The following MTM1 variants were observed in gnomAD, a reference collection of about 807,000 sequenced individuals.
MTM1 encodes myotubularin 1.
In MTM1, 9 loss-of-function variants were observed where a neutral mutation model predicts 52.1. The ratio of observed to expected loss-of-function variants is 0.17; its 90% CI spans 0.10 to 0.30. The LOEUF (loss-of-function observed/expected upper bound fraction) is 0.30. MTM1 is among the 10% of genes least tolerant of loss of function. The pLI, the probability that MTM1 is intolerant of heterozygous loss-of-function variation, is 1.00. For missense variants in MTM1, 277 were observed against 470.7 expected (o/e 0.59, Z 3.81); for synonymous variants, 136 against 163.8 (o/e 0.83, Z 1.29).
At chrX:150,632,481 G>A (rs1430647844) in intron 6 of MTM1, among the ~76,000 whole-genome samples, 2 of 111,710 alleles carry the variant, frequency 1.8e-5, no homozygotes, top group African/African-American at 6.5e-5. Flanking sequence ...GGTGAAGGGA[G>A]CCATTTAATG....
intron 10 of MTM1, among the ~76,000 whole-genome samples, chrX:150,650,127 C>T (rs1459992320): frequency 8.9e-6 from 1 of 111,875 alleles, no homozygotes; most frequent in African/African-American, 3.2e-5. Context: ...ACATCTCTTT[C>T]CATCTTTCAG....
At chrX:150,660,722 C>T (rs1163912683) in intron 13 of MTM1, among the ~76,000 whole-genome samples, 2 of 111,603 alleles carry the variant, frequency 1.8e-5, no homozygotes, top group African/African-American at 3.3e-5. Context: ...AGCATAGTGC[C>T]GGCATCTGCT....
Position 150,596,580 on chromosome X carries a change from T to G in MTM1, c.136+10T>G, listed in dbSNP as rs782382879. On this transcript the variant is annotated intron_variant, in intron 3 of 14. Transcript: ENST00000370396. ...GAAACACTAATCACTGGTAAGGACCTGCTGACATAAGATTTGCATAACTTG... is the reference window on the plus strand; with the variant it reads ...GAAACACTAATCACTGGTAAGGACCGGCTGACATAAGATTTGCATAACTTG... The G allele has an allele frequency of 9.2e-6, 11 of 1,195,878 alleles. No homozygotes were observed. In the Middle Eastern group the frequency reaches 1.7e-3, roughly 187 times the overall value.
chrX:150,566,385 G>T (rs1371331061), upstream of MTM1, among the ~76,000 whole-genome samples: 2 of 111,544 alleles, frequency 1.8e-5, no homozygotes, highest in African/African-American at 3.3e-5. Flanking sequence ...TGATCCGCCC[G>T]CCTCGGCCTC....
At chrX:150,564,446 G>T (rs28703111), upstream of MTM1, among the ~76,000 whole-genome samples, 1 of 111,363 alleles carries the variant, frequency 9.0e-6, no homozygotes, top group Non-Finnish European at 1.9e-5. Context: ...GCAGTGGCAC[G>T]ATCTCGGCTC....
chrX:150,641,320 C>T lies in MTM1; in HGVS notation c.580C>T (p.Leu194Phe). 8.3e-7 allele frequency: 1 copy of T among 1,210,854 alleles called. No individual in the cohort carries two copies. The highest frequency in any genetic ancestry group is 2.2e-5 in the Admixed American group (1 of 46,037). Reference protein sequence around the residue: ...RITFINKCYELCDTYPALLVV... With the variant: ...RITFINKCYEFCDTYPALLVV... ...AACTTTTATTAATAAGTGCTATGAG[C>T]TCTGTGACACTTACCCTGCTCTTTT... Residue 194 changes from leucine to phenylalanine, a missense_variant, in exon 8 of 15, where the codon CTC (leucine) becomes TTC (phenylalanine). Physicochemically the swap from Leu to Phe is conservative, Grantham distance 22 (BLOSUM62 0). Transcript: ENST00000370396.
At chrX:150,577,429 C>T (rs782127016) in intron 1 of MTM1, among the ~76,000 whole-genome samples, 6 of 112,614 alleles carry the variant, frequency 5.3e-5, no homozygotes, top group Non-Finnish European at 1.1e-4. Flanking sequence ...TTTTGCATTC[C>T]TACTGGCTTT....
chrX:150,641,532 T>A, intron 8 of MTM1, 114 bp downstream of exon 8: 1 of 924,166 alleles, frequency 1.1e-6, no homozygotes, highest in Non-Finnish European at 1.5e-6. Flanking sequence ...AAATACTTAC[T>A]AAGTGCTTTG....
chrX:150,645,247 G>A (rs1275886412), intron 8 of MTM1, among the ~76,000 whole-genome samples: 1 of 111,755 alleles, frequency 8.9e-6, no homozygotes, highest in Non-Finnish European at 1.9e-5. Flanking sequence ...AATTGAGACT[G>A]TTGGGAAAAT....
intron 2 of MTM1, 140 bp downstream of exon 2, chrX:150,592,817 C>A: frequency 1.5e-5 from 6 of 407,348 alleles, no homozygotes; most frequent in Non-Finnish European, 2.5e-5. Flanking sequence ...CATGTGGTTT[C>A]TTTATTGTCT....
intron 1 of MTM1, among the ~76,000 whole-genome samples, chrX:150,583,931 ATTAAAAT>A (rs1557412131): frequency 0.016 from 852 of 53,681 alleles, 64 homozygotes; most frequent in African/African-American, 0.046. Context: ...TATATATTAA[ATTAAAAT>A]ATATATATTA....
Position 150,582,290 on chromosome X carries a change from A to G in MTM1, c.-10-10315A>G, listed in dbSNP as rs181934975. Among the ~76,000 whole-genome samples the G allele has an allele frequency of 4.5e-5, 5 of 112,165 alleles. No homozygotes were observed. The East Asian group carries it at 1.4e-3, about 31-fold the overall frequency. On this transcript the variant is annotated intron_variant, in intron 1 of 14. Coordinates refer to ENST00000370396, the MANE Select transcript of MTM1 (RefSeq NM_000252.3). ...ATTTCATTATTTCTTCTAAAAAACC[A>G]TATTATTATTTCAGTACTAGTTAAT...
Position 150,671,566 on chromosome X carries a change from A to T in MTM1, c.1783A>T (p.Met595Leu). 1 of 1,211,402 alleles carries T rather than the reference A, an allele frequency of 8.3e-7. No homozygotes were observed. Among genetic ancestry groups the T allele is most frequent in the Non-Finnish European group, 1.1e-6 (1 of 895,530 alleles). ...PPTSPSSPSQ[M>L]MPHVQTHF is the part of the protein sequence containing the mutation. Reference sequence around the variant, plus strand: ...AACTTCACCTTCCAGTCCTTCGCAAATGATGCCCCATGTGCAAACTCACTT... The same window carrying T: ...AACTTCACCTTCCAGTCCTTCGCAATTGATGCCCCATGTGCAAACTCACTT... The change falls in exon 15 of 15, where the codon ATG (methionine) becomes TTG (leucine). Residue 595 changes from methionine to leucine, a missense_variant. Physicochemically the swap from Met to Leu is conservative, Grantham distance 15. This residue lies in a region of MTM1 where 51 missense variants were observed against 52.2 expected (regional missense o/e 0.98). Transcript: ENST00000370396.
chrX:150,572,259 G>A (rs1352082085), intron 1 of MTM1, among the ~76,000 whole-genome samples: 4 of 111,931 alleles, frequency 3.6e-5, no homozygotes, highest in African/African-American at 1.3e-4. Flanking sequence ...AACCTGCCCT[G>A]CCAAGTTTCC....
chrX:150,638,808 T>C (rs2039798223), intron 6 of MTM1, 135 bp from the exon 7 acceptor site: 1 of 483,812 alleles, frequency 2.1e-6, no homozygotes, highest in Non-Finnish European at 3.6e-6. Context: ...TTGTTGTTGT[T>C]ATAAGCCTTG....
intron 1 of MTM1, among the ~76,000 whole-genome samples, chrX:150,576,557 T>A (rs1034478249): frequency 8.9e-6 from 1 of 111,952 alleles, no homozygotes; most frequent in Non-Finnish European, 1.9e-5. Context: ...AGTAAAAACT[T>A]TATATGATTT....
intron 10 of MTM1, among the ~76,000 whole-genome samples, chrX:150,657,605 C>CT (rs782356967): frequency 1.9e-4 from 21 of 109,840 alleles, no homozygotes; most frequent in Non-Finnish European, 3.0e-4. Context: ...CACCCTAGAA[C>CT]TTAAAGTATA....
chrX:150,568,342 T>C (rs2038291466), upstream of MTM1, among the ~76,000 whole-genome samples: 1 of 113,311 alleles, frequency 8.8e-6, no homozygotes, highest in Non-Finnish European at 1.9e-5. Flanking sequence ...GCCCCTGGCA[T>C]CTTGGCCCCG....
Position 150,641,249 on chromosome X carries a change from A to G in MTM1, c.529-20A>G. 1 of 1,210,927 alleles carries G rather than the reference A, an allele frequency of 8.3e-7. No individual in the cohort carries two copies. Among genetic ancestry groups the G allele is most frequent in the Non-Finnish European group, 1.1e-6 (1 of 895,111 alleles). On this transcript the variant is annotated intron_variant, in intron 7 of 14. Coordinates refer to ENST00000370396, the MANE Select transcript of MTM1 (RefSeq NM_000252.3). ...ATGAGGTCAAGCAATACTGACTTGA[A>G]TTTCTTTTTTTCCTCACAGGGCTTG...
Sources: allele counts gnomAD v4.1 joint callset (sites outside exome capture counted in the v4.1 genomes callset), GRCh38; gene constraint gnomAD v4.1.1; regional missense constraint gnomAD v4.1.1; transcripts MANE v1.5; gene names NCBI Gene and HGNC (gene_info 2026-07-23, HGNC 2026-07-21).